Variants in NLGN1 observed in about 807,000 individuals in gnomAD.
The protein encoded by NLGN1 is neuroligin-1.
Under a neutral mutation model 65.5 loss-of-function variants are expected in NLGN1, and 12 were observed. That is an observed-to-expected ratio of 0.18 (90% CI 0.12 to 0.30). The LOEUF is 0.30. NLGN1 is among the 10% of genes least tolerant of loss of function. The pLI, the probability that NLGN1 is intolerant of heterozygous loss-of-function variation, is 1.00. For missense variants in NLGN1, 750 were observed against 1,007.1 expected, an observed-to-expected ratio of 0.74 and a Z score of 3.46; for synonymous variants, 350 against 359.5, an observed-to-expected ratio of 0.97 and a Z score of 0.30.
At chr3:173,885,611 A>T (rs948133535) in intron 4 of NLGN1, among the ~76,000 whole-genome samples, 1 of 152,112 alleles carries the variant, frequency 6.6e-6, no homozygotes, top group African/African-American at 2.4e-5. Flanking sequence ...AATAAAAAGC[A>T]TATTCAATAA....
intron 3 of NLGN1, among the ~76,000 whole-genome samples, chr3:173,626,475 A>G (rs1482366514): frequency 6.6e-6 from 1 of 152,058 alleles, no homozygotes; most frequent in Non-Finnish European, 1.5e-5. Flanking sequence ...ATTTATTTTA[A>G]CTACTTTGAA....
intron 2 of NLGN1, among the ~76,000 whole-genome samples, chr3:173,556,379 C>T (rs568168984): frequency 6.6e-5 from 10 of 152,306 alleles, no homozygotes; most frequent in African/African-American, 2.2e-4. Flanking sequence ...CTGCAAATCA[C>T]AAATTTCAAT....
chr3:173,915,540 G>C (rs559666193), intron 4 of NLGN1, among the ~76,000 whole-genome samples: 1 of 152,266 alleles, frequency 6.6e-6, no homozygotes, highest in East Asian at 1.9e-4. Flanking sequence ...CCTTATCAAG[G>C]ATTCTTTGCC....
At chr3:173,807,480 G>A (rs1716913469) in intron 3 of NLGN1, among the ~76,000 whole-genome samples, 200 bp from the exon 4 acceptor site, 1 of 152,050 alleles carries the variant, frequency 6.6e-6, no homozygotes, top group Non-Finnish European at 1.5e-5. Flanking sequence ...ACAAAATTTT[G>A]ATAGAAAACA....
intron 4 of NLGN1, among the ~76,000 whole-genome samples, chr3:174,262,207 G>A (rs1463953455): frequency 1.8e-5 from 2 of 109,398 alleles, no homozygotes; most frequent in African/African-American, 8.7e-5. Flanking sequence ...CATAAAATGA[G>A]TTAGGGAGGA....
chr3:173,711,251 T>C (rs1285990833), intron 3 of NLGN1, among the ~76,000 whole-genome samples: 5 of 152,212 alleles, frequency 3.3e-5, no homozygotes, highest in Non-Finnish European at 7.3e-5. Flanking sequence ...GATATCTCAC[T>C]TTAGATGCTT....
At chr3:174,265,781 A>C (rs3979603) in intron 4 of NLGN1, among the ~76,000 whole-genome samples, 1 of 134,728 alleles carries the variant, frequency 7.4e-6, no homozygotes, top group Admixed American at 7.4e-5. Context: ...ATATATATAT[A>C]TGTATATATA....
chr3:173,556,614 C>G (rs1350171900), intron 2 of NLGN1, among the ~76,000 whole-genome samples: 1 of 151,962 alleles, frequency 6.6e-6, no homozygotes, highest in Non-Finnish European at 1.5e-5. Flanking sequence ...TATTCAAGAC[C>G]AGCTTGGGCA....
intron 3 of NLGN1, among the ~76,000 whole-genome samples, chr3:173,745,729 A>G (rs1223721974): frequency 1.3e-5 from 2 of 152,120 alleles, no homozygotes; most frequent in African/African-American, 4.8e-5. Flanking sequence ...TGGATGCAAT[A>G]TGCCATGGCT....
intron 4 of NLGN1, among the ~76,000 whole-genome samples, chr3:173,880,327 TG>T (rs1467386085): frequency 6.6e-6 from 1 of 151,992 alleles, no homozygotes; most frequent in Non-Finnish European, 1.5e-5. Flanking sequence ...TGAAGGTAGA[TG>T]TTTTCTAACA....
intron 4 of NLGN1, among the ~76,000 whole-genome samples, chr3:174,088,805 TAAAA>T (rs1427373083): frequency 1.5e-3 from 218 of 144,174 alleles, no homozygotes; most frequent in African/African-American, 5.4e-3. Flanking sequence ...AATAAATAAA[TAAAA>T]CTAGATTATT....
intron 2 of NLGN1, among the ~76,000 whole-genome samples, chr3:173,572,114 C>T (rs1346976120): frequency 1.3e-5 from 2 of 152,204 alleles, no homozygotes; most frequent in Non-Finnish European, 1.5e-5. Context: ...TTAAGGAGGA[C>T]TTTGTTACCA....
intron 4 of NLGN1, among the ~76,000 whole-genome samples, chr3:173,838,437 A>T (rs79112187): frequency 0.01 from 1,543 of 152,222 alleles, 19 homozygotes; most frequent in African/African-American, 0.035. Flanking sequence ...TGGTTTGTTT[A>T]GTTACTGATT....
At chr3:173,489,291 G>A (rs1157292982) in intron 2 of NLGN1, among the ~76,000 whole-genome samples, 1 of 151,320 alleles carries the variant, frequency 6.6e-6, no homozygotes, top group Non-Finnish European at 1.5e-5. Flanking sequence ...GTGTCCAAGT[G>A]TTCTCATTGT....
chr3:173,762,424 G>A (rs1333663465), intron 3 of NLGN1, among the ~76,000 whole-genome samples: 1 of 151,932 alleles, frequency 6.6e-6, no homozygotes, highest in African/African-American at 2.4e-5. Context: ...TAAAAGAAAT[G>A]GAGAACAAAA....
At chr3:173,814,312 C>G (rs1256722038) in intron 4 of NLGN1, among the ~76,000 whole-genome samples, 3 of 152,126 alleles carry the variant, frequency 2.0e-5, no homozygotes, top group Non-Finnish European at 4.4e-5. Context: ...TTATTTGATC[C>G]ATAGATTTCT....
chr3:173,998,388 G>A (rs1219520906), intron 4 of NLGN1, among the ~76,000 whole-genome samples: 1 of 152,176 alleles, frequency 6.6e-6, no homozygotes, highest in African/African-American at 2.4e-5. Flanking sequence ...TTCTTTGAGT[G>A]TTTAAGTAGA....
intron 4 of NLGN1, among the ~76,000 whole-genome samples, chr3:173,957,141 A>C (rs575013017): frequency 6.6e-6 from 1 of 152,298 alleles, no homozygotes; most frequent in East Asian, 1.9e-4. Flanking sequence ...TATTTAAGAT[A>C]AATTTTAAAT....
chr3:173,553,799 G>A (rs919608045), intron 2 of NLGN1, among the ~76,000 whole-genome samples: 17 of 100,440 alleles, frequency 1.7e-4, no homozygotes, highest in Non-Finnish European at 2.8e-4. Flanking sequence ...TAGAAAAGCC[G>A]ACTAACAGAA....
Sources: gnomAD v4.1 joint callset for allele counts (sites outside exome capture counted in the v4.1 genomes callset) on GRCh38, gnomAD v4.1.1 for gene constraint, MANE v1.5 for transcripts, NCBI Gene and HGNC (gene_info 2026-07-23, HGNC 2026-07-21) for gene names.